The following TBC1D5 variants were observed in gnomAD, a reference collection of about 807,000 sequenced individuals.
The protein encoded by TBC1D5 is TBC1 domain family, member 5.
A neutral mutation model predicts 100.3 loss-of-function variants in TBC1D5; 75 were observed. That is an observed-to-expected ratio of 0.75 (90% CI 0.62 to 0.91). The LOEUF (loss-of-function observed/expected upper bound fraction) is 0.91. Among genes scored for constraint, TBC1D5 ranks in the 40% least tolerant of loss-of-function variants. The pLI is 0.00. For synonymous variants in TBC1D5, 323 were observed against 325.6 expected (o/e 0.99, Z 0.09); for missense variants, 910 against 942.4 (o/e 0.97, Z 0.45).
rs575506471 is a variant in TBC1D5 at position 17,668,107 on chromosome 3, A to T, written c.-100-44194T>A. Among the ~76,000 whole-genome samples the T allele has an allele frequency of 1.6e-3, 237 of 149,098 alleles. 1 individual carries two copies. The highest frequency in any genetic ancestry group is 4.2e-3 in the Admixed American group (62 of 14,918). On this transcript the variant is annotated intron_variant, in intron 1 of 21. Coordinates refer to ENST00000253692, the Ensembl canonical transcript of TBC1D5. ...AAGGCATTCCACTAAATATATATATATTTTTAATTTCACTTAAAAATATAT... is the reference window on the plus strand; with the variant it reads ...AAGGCATTCCACTAAATATATATATTTTTTTAATTTCACTTAAAAATATAT...
chr3:17,193,218 G>A lies in TBC1D5; in HGVS notation c.1753-8010C>T, dbSNP rs550494462. On this transcript the variant is annotated intron_variant, in intron 18 of 21. Coordinates refer to ENST00000253692, the Ensembl canonical transcript of TBC1D5. Reference sequence around the variant, plus strand: ...CTGCTTCAGCTGGCTCTAATAGATAGTGATCATTCAAACCCCTTCTCTTCA... The same window carrying A: ...CTGCTTCAGCTGGCTCTAATAGATAATGATCATTCAAACCCCTTCTCTTCA... Among the ~76,000 whole-genome samples, 7 of 152,334 alleles carry A rather than the reference G, an allele frequency of 4.6e-5. No individual in the cohort carries two copies. The East Asian group carries it at 1.3e-3, about 29-fold the overall frequency.
chr3:17,329,923 A>G (rs1034377415), intron 13 of TBC1D5, among the ~76,000 whole-genome samples: 4 of 152,182 alleles, frequency 2.6e-5, no homozygotes, highest in Non-Finnish European at 5.9e-5. Context: ...CTACAACTAA[A>G]AAGCATTTTA....
intron 2 of TBC1D5, among the ~76,000 whole-genome samples, chr3:17,619,192 T>C (rs1333453172): frequency 6.6e-6 from 1 of 152,192 alleles, no homozygotes; most frequent in East Asian, 1.9e-4. Context: ...ACCCTGTCCT[T>C]GGTTAGAACA....
chr3:17,236,700 G>A (rs2148999398), intron 17 of TBC1D5, among the ~76,000 whole-genome samples: 1 of 152,168 alleles, frequency 6.6e-6, no homozygotes, highest in Admixed American at 6.5e-5. Flanking sequence ...TGGCCAGGAT[G>A]GTCTCCATCT....
At chr3:17,579,039 G>A (rs2096675119) in intron 2 of TBC1D5, among the ~76,000 whole-genome samples, 1 of 151,954 alleles carries the variant, frequency 6.6e-6, no homozygotes, top group Admixed American at 6.6e-5. Flanking sequence ...CTTAAGTTGA[G>A]GCAAAATTAT....
chr3:17,404,613 T>C, intron 7 of TBC1D5, 81 bp downstream of exon 7: 1 of 1,284,898 alleles, frequency 7.8e-7, no homozygotes, highest in African/African-American at 1.5e-5. Context: ...ATATATTGCT[T>C]TCATGGTGAC....
intron 13 of TBC1D5, among the ~76,000 whole-genome samples, chr3:17,313,294 C>T (rs1349470668): frequency 6.6e-6 from 1 of 152,134 alleles, no homozygotes; most frequent in Non-Finnish European, 1.5e-5. Flanking sequence ...GAAGCCACTG[C>T]TGTGTATGAA....
intron 2 of TBC1D5, among the ~76,000 whole-genome samples, chr3:17,596,663 T>C (rs918265944): frequency 4.3e-5 from 6 of 139,588 alleles, no homozygotes; most frequent in Non-Finnish European, 9.0e-5. Context: ...TGAGCAGATT[T>C]GCCCTCCAGA....
chr3:17,561,715 G>A (rs1013810430), intron 2 of TBC1D5, among the ~76,000 whole-genome samples: 5 of 152,110 alleles, frequency 3.3e-5, no homozygotes, highest in Admixed American at 3.3e-4. Flanking sequence ...AATAAGAAAG[G>A]ACAAATCTGT....
At chr3:17,250,633 GA>G (rs1380200653) in intron 16 of TBC1D5, among the ~76,000 whole-genome samples, 10 of 152,146 alleles carry the variant, frequency 6.6e-5, no homozygotes, top group Admixed American at 5.9e-4. Flanking sequence ...CCTATAACGG[GA>G]AATGTTCTTC....
intron 2 of TBC1D5, among the ~76,000 whole-genome samples, chr3:17,591,609 A>C (rs557722702): frequency 6.6e-6 from 1 of 152,280 alleles, no homozygotes; most frequent in East Asian, 1.9e-4. Context: ...TTGGAGTTTC[A>C]GCTCAAGTCC....
At position 17,700,481 on chromosome 3, in the gene TBC1D5, G is replaced by T. The variant is rs555692146; in HGVS notation, c.-101+38862C>A. Reference sequence around the variant, plus strand: ...AACAAAAGCCAAAATTGACAAATGGGATCTAATTAAACTAAAGAGTTTCTG... The same window carrying T: ...AACAAAAGCCAAAATTGACAAATGGTATCTAATTAAACTAAAGAGTTTCTG... On this transcript the variant is annotated intron_variant, in intron 1 of 21. Coordinates refer to ENST00000253692, the Ensembl canonical transcript of TBC1D5. Among the ~76,000 whole-genome samples the T allele has an allele frequency of 4.6e-5, 7 of 152,222 alleles. No individual in the cohort carries two copies. The East Asian group carries it at 1.4e-3, about 29-fold the overall frequency.
intron 1 of TBC1D5, among the ~76,000 whole-genome samples, chr3:17,648,094 C>A (rs984640483): frequency 5.3e-5 from 8 of 152,238 alleles, no homozygotes; most frequent in Middle Eastern, 3.4e-3. Context: ...TACAAGGCAA[C>A]AGTAACCAAA....
intron 15 of TBC1D5, 104 bp downstream of exon 15, chr3:17,291,772 GCTACCATTAGGCAATTCAT>G: frequency 2.4e-6 from 2 of 850,140 alleles, no homozygotes; most frequent in South Asian, 1.9e-5. Flanking sequence ...TTAGGCAAAT[GCTACCATTAGGCAATTCAT>G]CTACCATTAG....
chr3:17,510,998 C>G (rs955796182), intron 2 of TBC1D5, among the ~76,000 whole-genome samples: 6 of 151,716 alleles, frequency 4.0e-5, no homozygotes, highest in Admixed American at 3.9e-4. Context: ...TAATTTGGCT[C>G]TAAATAAGTC....
At chr3:17,621,820 C>A (rs527938347) in intron 2 of TBC1D5, among the ~76,000 whole-genome samples, 1 of 152,168 alleles carries the variant, frequency 6.6e-6, no homozygotes, top group South Asian at 2.1e-4. Flanking sequence ...AGAGGGCAGA[C>A]TGTATATTTT....
chr3:17,742,343 G>A (rs376692802), upstream of TBC1D5: 163 of 153,518 alleles, frequency 1.1e-3, 2 homozygotes, highest in South Asian at 0.019. Context: ...GCAGCGGCGC[G>A]AAGGGGGGCG....
At chr3:17,285,378 AGCCTCCC>A (rs2081076396) in intron 15 of TBC1D5, among the ~76,000 whole-genome samples, 3 of 146,732 alleles carry the variant, frequency 2.0e-5, no homozygotes, top group Admixed American at 6.9e-5. Flanking sequence ...CTCCTGCCTC[AGCCTCCC>A]GAGTAGCTGG....
exon 20 of TBC1D5, chr3:17,167,763 C>G: frequency 6.2e-7 from 1 of 1,613,262 alleles, no homozygotes; most frequent in South Asian, 1.1e-5. Context: ...TTTAATCCTG[C>G]CAGGGAAACC....
Sources: allele counts gnomAD v4.1 joint callset (sites outside exome capture counted in the v4.1 genomes callset), GRCh38; gene constraint gnomAD v4.1.1; transcripts MANE v1.5; gene names NCBI Gene and HGNC (gene_info 2026-07-23, HGNC 2026-07-21).